Variants in VWA3B observed in about 807,000 individuals in gnomAD.
VWA3B encodes the protein von Willebrand factor A domain-containing protein 3B.
Under a neutral mutation model 158.3 loss-of-function variants are expected in VWA3B, and 138 were observed. The observed-to-expected ratio is 0.87, with a 90% confidence interval of 0.76 to 1.00. The LOEUF is 1.00. VWA3B is among the 50% of genes least tolerant of loss of function. VWA3B has a pLI of 0.00. For missense variants in VWA3B, 1,555 were observed against 1,565.1 expected (o/e 0.99, Z 0.11); for synonymous variants, 596 against 587.3 (o/e 1.01, Z -0.21).
rs138248737 is a variant in VWA3B at position 98,190,483 on chromosome 2, A to G, written c.1466+2354A>G. 2.4e-3 allele frequency among the ~76,000 whole-genome samples: 361 copies of G among 152,320 alleles called. 1 individual carries two copies. Among genetic ancestry groups the G allele is most frequent in the African/African-American group, 7.9e-3 (330 of 41,576 alleles). On this transcript the variant is annotated intron_variant, in intron 10 of 27. Transcript: ENST00000477737. Reference sequence around the variant, plus strand: ...GCTTTTTATTCCTTTGTATGCATCCACATTTCCATTTGGTATCATTTTTTT... The same window carrying G: ...GCTTTTTATTCCTTTGTATGCATCCGCATTTCCATTTGGTATCATTTTTTT...
At chr2:98,203,045 A>G (rs186611908) in intron 12 of VWA3B, among the ~76,000 whole-genome samples, 6 of 151,976 alleles carry the variant, frequency 3.9e-5, no homozygotes, top group African/African-American at 1.4e-4. Context: ...GTTGGCCAGG[A>G]TGTTCTCGAT....
chr2:98,220,475 T>C (rs1684403998), intron 14 of VWA3B, among the ~76,000 whole-genome samples: 1 of 152,152 alleles, frequency 6.6e-6, no homozygotes, highest in South Asian at 2.1e-4. Context: ...AAGCCCTGGT[T>C]ATATCTCCAA....
the VWA3B span, among the ~76,000 whole-genome samples, chr2:98,320,400 G>A: frequency 1.3e-5 from 2 of 152,328 alleles, no homozygotes; most frequent in African/African-American, 4.8e-5. Flanking sequence ...GTGGGGTGCT[G>A]CTGTAAAGAT....
rs79329484 is a variant in VWA3B at position 98,284,346 on chromosome 2, G to T, written c.3046-6165G>T. On this transcript the variant is annotated intron_variant, in intron 22 of 27. Transcript: ENST00000477737. ...TGAACCTAAAAAGCATCTCCAAACA[G>T]GTCCAAATGATAGATGGCTACAACA... 8.8e-3 allele frequency among the ~76,000 whole-genome samples: 1,337 copies of T among 152,200 alleles called. 19 individuals carry two copies. Among genetic ancestry groups the T allele is most frequent in the African/African-American group, 0.03 (1,256 of 41,498 alleles).
chr2:98,109,482 T>A (rs1470006935), intron 2 of VWA3B, among the ~76,000 whole-genome samples: 9 of 152,226 alleles, frequency 5.9e-5, no homozygotes. Context: ...TATTTTATCT[T>A]CTTACATTGA....
At chr2:98,250,564 G>C in intron 20 of VWA3B, 128 bp downstream of exon 20, 1 of 751,662 alleles carries the variant, frequency 1.3e-6, no homozygotes, top group South Asian at 2.0e-5. Flanking sequence ...TGTTCAGGCT[G>C]GGTGTGGTAG....
At chr2:98,162,629 G>A (rs1225465917) in intron 7 of VWA3B, among the ~76,000 whole-genome samples, 1 of 152,160 alleles carries the variant, frequency 6.6e-6, no homozygotes, top group African/African-American at 2.4e-5. Context: ...ACTTTAGAAG[G>A]ATTTATTGTA....
chr2:98,120,897 G>C (rs1457972645), intron 4 of VWA3B, among the ~76,000 whole-genome samples: 1 of 152,174 alleles, frequency 6.6e-6, no homozygotes, highest in Non-Finnish European at 1.5e-5. Flanking sequence ...TAAAATTTTA[G>C]AGCAATAGAA....
chr2:98,256,065 CT>C, intron 20 of VWA3B, 58 bp from the exon 21 acceptor site: 1 of 1,600,846 alleles, frequency 6.2e-7, no homozygotes, highest in Non-Finnish European at 8.5e-7. Context: ...TGGGGTTAAC[CT>C]TTTGCCATGA....
At chr2:98,296,993 C>T (rs1252883748) in intron 23 of VWA3B, among the ~76,000 whole-genome samples, 1 of 150,680 alleles carries the variant, frequency 6.6e-6, no homozygotes, top group African/African-American at 2.4e-5. Context: ...TTTTTAATGG[C>T]AAAAACCGCA....
At chr2:98,289,337 C>G (rs2105944219) in intron 22 of VWA3B, among the ~76,000 whole-genome samples, 1 of 152,258 alleles carries the variant, frequency 6.6e-6, no homozygotes, top group South Asian at 2.1e-4. Context: ...AAGTGCATTT[C>G]CAAATAACTT....
In VWA3B at chr2:98,125,663, T is replaced by C. The variant is rs1013533855; in HGVS notation, c.703-2576T>C. On this transcript the variant is annotated intron_variant, in intron 5 of 27. Transcript: ENST00000477737. This position sits in a 1 kb window ranked among gnomAD's most constrained non-coding sequence, Gnocchi z 4.1. ...GCATATTTATCCTCCTTTCTGTTTTTCTTTTCTTTCTTTTTTTTTGAAACC... is the reference window on the plus strand; with the variant it reads ...GCATATTTATCCTCCTTTCTGTTTTCCTTTTCTTTCTTTTTTTTTGAAACC... Among the ~76,000 whole-genome samples the C allele has an allele frequency of 6.6e-6, 1 of 152,188 alleles. No homozygotes were observed. The highest frequency in any genetic ancestry group is 6.5e-5 in the Admixed American group (1 of 15,286).
chr2:98,197,009 C>T (rs1186845408), intron 12 of VWA3B, among the ~76,000 whole-genome samples: 22 of 152,162 alleles, frequency 1.4e-4, no homozygotes, highest in Admixed American at 1.3e-3. Context: ...AGACTTTATT[C>T]AGCCTTCATC....
Position 98,290,549 on chromosome 2 carries a change from A to G in VWA3B, c.3084A>G (p.Lys1028=), listed in dbSNP as rs777778353. 15 of 1,584,482 alleles carry G rather than the reference A, an allele frequency of 9.5e-6. No homozygotes were observed. The highest frequency in any genetic ancestry group is 1.4e-5 in the African/African-American group (1 of 72,520). ...KLQGNPTKKT[K]SKRPDPLKGQ... ...AAGGAAATCCAACAAAGAAAACCAA[A>G]TCAAAAAGACCAGATCCCCTCAAAG... Residue 1028 remains lysine, a synonymous_variant, in exon 23 of 28, where the codon AAA becomes AAG. Coordinates refer to ENST00000477737, the MANE Select transcript of VWA3B (RefSeq NM_144992.5).
chr2:98,142,909 G>A (rs970069258), intron 7 of VWA3B, among the ~76,000 whole-genome samples: 3 of 152,122 alleles, frequency 2.0e-5, no homozygotes, highest in South Asian at 2.1e-4. Context: ...AAATTGAGAC[G>A]TGCTGTGAAA....
intron 3 of VWA3B, among the ~76,000 whole-genome samples, chr2:98,118,681 C>A (rs1160746587): frequency 6.6e-6 from 1 of 152,154 alleles, no homozygotes; most frequent in Non-Finnish European, 1.5e-5. Flanking sequence ...GCAACGGCTA[C>A]CCTCTTTGGG....
chr2:98,156,493 G>T (rs577668661), intron 7 of VWA3B, among the ~76,000 whole-genome samples: 14 of 152,080 alleles, frequency 9.2e-5, no homozygotes, highest in Non-Finnish European at 2.1e-4. Context: ...GCCGGTGCGG[G>T]GTTGCTCCCC....
rs1218165778 is a variant in VWA3B at position 98,093,255 on chromosome 2, A to T, written c.163A>T (p.Ile55Phe). ...LKSNKLTLKQ[I>F]LSQIGFPHCE... is the part of the protein sequence containing the mutation. ...GAGCAACAAATTGACCTTGAAACAGATTTTGTCACAGATCGGATTCCCACA... is the reference window on the plus strand; with the variant it reads ...GAGCAACAAATTGACCTTGAAACAGTTTTTGTCACAGATCGGATTCCCACA... Residue 55 changes from isoleucine to phenylalanine, a missense_variant, in exon 2 of 28, where the codon ATT (isoleucine) becomes TTT (phenylalanine). Coordinates refer to ENST00000477737, the MANE Select transcript of VWA3B (RefSeq NM_144992.5). 1.2e-5 allele frequency: 19 copies of T among 1,613,950 alleles called. No homozygotes were observed. The East Asian group carries it at 2.7e-4, about 23-fold the overall frequency.
At chr2:98,139,275 G>A (rs969764983) in intron 7 of VWA3B, among the ~76,000 whole-genome samples, 4 of 152,192 alleles carry the variant, frequency 2.6e-5, no homozygotes, top group African/African-American at 9.6e-5. Flanking sequence ...CGCCATACCT[G>A]AGCCTTCCCC....
Sources: allele counts gnomAD v4.1 joint callset (sites outside exome capture counted in the v4.1 genomes callset), GRCh38; gene constraint gnomAD v4.1.1; non-coding constraint Gnocchi (gnomAD v3.1); transcripts MANE v1.5; gene names NCBI Gene and HGNC (gene_info 2026-07-23, HGNC 2026-07-21).